The following HPGD variants were observed in gnomAD, a reference collection of about 807,000 sequenced individuals.
HPGD encodes 15-hydroxyprostaglandin dehydrogenase.
A neutral mutation model predicts 30.0 loss-of-function variants in HPGD; 29 were observed. The ratio of observed to expected loss-of-function variants is 0.97; its 90% CI spans 0.72 to 1.32. The LOEUF (loss-of-function observed/expected upper bound fraction) is 1.32, where lower values mean the gene tolerates loss of function less well. Ranked by LOEUF, HPGD falls within the 40% of genes most tolerant of loss-of-function variation. The pLI, the probability that HPGD is intolerant of heterozygous loss-of-function variation, is 0.00. For synonymous variants in HPGD, 99 were observed against 112.4 expected, an observed-to-expected ratio of 0.88 and a Z score of 0.75; for missense variants, 340 against 322.1, an observed-to-expected ratio of 1.06 and a Z score of -0.43.
intron 4 of HPGD, among the ~76,000 whole-genome samples, chr4:174,504,814 A>AAAAC (rs35636366): frequency 0.059 from 8,906 of 150,076 alleles, 294 homozygotes; most frequent in East Asian, 0.13. Flanking sequence ...ACTCTGTCTC[A>AAAAC]AAACAAACAA....
chr4:174,510,510 A>G (rs1735431948), intron 3 of HPGD, among the ~76,000 whole-genome samples: 1 of 152,238 alleles, frequency 6.6e-6, no homozygotes, highest in South Asian at 2.1e-4. Context: ...CTGACACCCC[A>G]CTGTTGTGTT....
chr4:174,506,983 T>C (rs1333151058), intron 4 of HPGD: 1 of 152,240 alleles, frequency 6.6e-6, no homozygotes, highest in Non-Finnish European at 1.5e-5. Flanking sequence ...TCAATCTTGA[T>C]CACAGCCCCA....
At chr4:174,516,498 G>A (rs1355990136) in intron 3 of HPGD, among the ~76,000 whole-genome samples, 4 of 152,118 alleles carry the variant, frequency 2.6e-5, no homozygotes, top group Admixed American at 2.0e-4. Context: ...ATGAAGGGTG[G>A]GAGAAGGGTG....
rs939422885 is a variant in HPGD, at chr4:174,490,963, T to C, written c.*993A>G. On this transcript the variant is annotated 3_prime_UTR_variant, in exon 7 of 7. Transcript: ENST00000296522. The surrounding 1 kb of genome is among the most constrained non-coding windows in gnomAD (Gnocchi z 4.4). ...AAGCAAAACCTCACAGCTATTTTTA[T>C]GTCTGTGTTGTTATGAGTTTCAGCA... is the stretch of plus-strand genomic sequence containing the variant. 3 of 152,338 alleles carry C rather than the reference T, an allele frequency of 2.0e-5. No individual in the cohort carries two copies. Among genetic ancestry groups the C allele is most frequent in the Admixed American group, 6.5e-5 (1 of 15,278 alleles). The allele number at this position is 152,338 out of a possible 1,614,324, so 9.4% of individuals were successfully genotyped here. A position where few individuals can be genotyped will look rare whatever the true frequency, so the allele number is the denominator to read the frequency against.
rs564769561 is a variant in HPGD at position 174,519,363 on chromosome 4, A to C, written c.218-1286T>G. Among the ~76,000 whole-genome samples, 75 of 151,916 alleles carry C rather than the reference A, an allele frequency of 4.9e-4. No homozygotes were observed. The South Asian group carries it at 0.015, about 31-fold the overall frequency. On this transcript the variant is annotated intron_variant, in intron 2 of 6. Coordinates refer to ENST00000296522, the MANE Select transcript of HPGD (RefSeq NM_000860.6). ...AGAGTAGCTGGGACTACAGGCGCCC[A>C]CCACCACGCCCGGCTAATTTTTTGT...
At position 174,493,215 on chromosome 4, in the gene HPGD, T is replaced by C. The variant is rs368571627; in HGVS notation, c.598A>G (p.Met200Val). 3.1e-6 allele frequency: 5 copies of C among 1,609,360 alleles called. No homozygotes were observed. Among genetic ancestry groups the C allele is most frequent in the African/African-American group, 2.7e-5 (2 of 74,818 alleles). Reference sequence around the variant, plus strand: ...TCCTTATATTCTATATATTGTCCCATGTTTTCTTCTTTTTCAATTGATTCA... The same window carrying C: ...TCCTTATATTCTATATATTGTCCCACGTTTTCTTCTTTTTCAATTGATTCA... ...ILESIEKEENMGQYIEYKDHI... is the reference protein window; with the variant it reads ...ILESIEKEENVGQYIEYKDHI... The change falls in exon 6 of 7, where the codon ATG becomes GTG. Residue 200 changes from methionine (M) to valine (V), a missense_variant. Coordinates refer to ENST00000296522, the MANE Select transcript of HPGD (RefSeq NM_000860.6).
Position 174,490,728 on chromosome 4 carries a change from C to G in HPGD, c.*1228G>C, listed in dbSNP as rs756163983. 2.0e-5 allele frequency: 3 copies of G among 152,274 alleles called. No individual in the cohort carries two copies. Among genetic ancestry groups the G allele is most frequent in the Non-Finnish European group, 4.4e-5 (3 of 68,006 alleles). 9.4% of individuals were successfully genotyped at this position (152,274 alleles called of 1,614,324 possible). On this transcript the variant is annotated 3_prime_UTR_variant, in exon 7 of 7. Transcript: ENST00000296522. The surrounding 1 kb of genome is among the most constrained non-coding windows in gnomAD (Gnocchi z 4.4). Reference sequence around the variant, plus strand: ...CAACATTCCAGTACTTCTAGGAAATCCATATCAATCTCACATGGAAAGATT... The same window carrying G: ...CAACATTCCAGTACTTCTAGGAAATGCATATCAATCTCACATGGAAAGATT...
chr4:174,499,172 G>A (rs753322922), intron 4 of HPGD, among the ~76,000 whole-genome samples: 3 of 152,118 alleles, frequency 2.0e-5, no homozygotes, highest in Admixed American at 1.3e-4. Context: ...AAGTGTGCAC[G>A]GTATGACTCT....
At chr4:174,514,793 G>T (rs1029858150) in intron 3 of HPGD, among the ~76,000 whole-genome samples, 2 of 151,992 alleles carry the variant, frequency 1.3e-5, no homozygotes, top group African/African-American at 4.8e-5. Context: ...AAGTTTCCTA[G>T]AACTGATAAA....
In HPGD at chr4:174,491,902, T is replaced by A. The variant is rs886059253; in HGVS notation, c.*54A>T. ...AAGCTATATTCAAATGAAGATAGGA[T>A]CTGAATATAAGCTATTTGTGCTTAT... On this transcript the variant is annotated 3_prime_UTR_variant, in exon 7 of 7. Coordinates refer to ENST00000296522, the MANE Select transcript of HPGD (RefSeq NM_000860.6). 9 of 1,472,006 alleles carry A rather than the reference T, an allele frequency of 6.1e-6. No individual in the cohort carries two copies. The highest frequency in any genetic ancestry group is 7.6e-6 in the Non-Finnish European group (8 of 1,052,482). 91.2% of individuals were successfully genotyped at this position (1,472,006 alleles called of 1,614,324 possible).
At chr4:174,499,508 A>G (rs187805800) in intron 4 of HPGD, among the ~76,000 whole-genome samples, 1 of 152,244 alleles carries the variant, frequency 6.6e-6, no homozygotes, top group East Asian at 1.9e-4. Context: ...TCTCTTTTCA[A>G]TGGAAAGTCC....
intron 6 of HPGD, 58 bp downstream of exon 6, chr4:174,493,092 CT>C: frequency 7.1e-7 from 1 of 1,409,762 alleles, no homozygotes; most frequent in Non-Finnish European, 9.7e-7. Flanking sequence ...CTTTTTATAG[CT>C]TATCTAAATA....
At chr4:174,497,564 C>CTTTTTTT (rs1560976871) in intron 4 of HPGD, among the ~76,000 whole-genome samples, 6 of 14,222 alleles carry the variant, frequency 4.2e-4, no homozygotes, top group African/African-American at 1.0e-3. Context: ...CTTTCTTTTT[C>CTTTTTTT]TTTCTTTTTT....
At chr4:174,495,398 G>A (rs1183670511) in intron 5 of HPGD, 150 bp downstream of exon 5, 2 of 673,764 alleles carry the variant, frequency 3.0e-6, no homozygotes, top group Non-Finnish European at 5.4e-6. Flanking sequence ...TTCTTTATGT[G>A]ATCTGATAAC....
intron 2 of HPGD, among the ~76,000 whole-genome samples, 199 bp downstream of exon 2, chr4:174,521,745 T>C (rs1363549380): frequency 6.6e-6 from 1 of 152,260 alleles, no homozygotes; most frequent in African/African-American, 2.4e-5. Context: ...TCTCCAGCAG[T>C]CTTGCCTTTC....
Position 174,495,581 on chromosome 4 carries a change from C to T in HPGD, c.465G>A (p.Lys155=), listed in dbSNP as rs761245000. ...VAQQPVYCAS[K]HGIVGFTRSA... Reference sequence around the variant, plus strand: ...AGCGTGTGAATCCAACTATGCCATGCTTTGAAGCACAATAAACCGGCTGCT... The same window carrying T: ...AGCGTGTGAATCCAACTATGCCATGTTTTGAAGCACAATAAACCGGCTGCT... The change falls in exon 5 of 7, where the codon AAG becomes AAA. Residue 155 remains lysine (K), a synonymous_variant. Coordinates refer to ENST00000296522, the MANE Select transcript of HPGD (RefSeq NM_000860.6). 1 of 1,613,864 alleles carries T rather than the reference C, an allele frequency of 6.2e-7. No homozygotes were observed.
intron 4 of HPGD, chr4:174,508,313 ACT>A (rs1233284419): frequency 1.1e-5 from 6 of 562,792 alleles, no homozygotes; most frequent in Non-Finnish European, 1.9e-5. Context: ...AAAATTACAC[ACT>A]GTTACTAAAA....
Position 174,521,969 on chromosome 4 carries a change from A to C in HPGD, c.192T>G (p.Asp64Glu). The C allele has an allele frequency of 6.2e-7, 1 of 1,614,214 alleles. No homozygotes were observed. The highest frequency in any genetic ancestry group is 8.5e-7 in the Non-Finnish European group (1 of 1,180,020). The change falls in exon 2 of 7, where the codon GAT (aspartate) becomes GAG (glutamate). Residue 64 changes from aspartate to glutamate, a missense_variant. Transcript: ENST00000296522. The part of the protein sequence containing the change: ...EPQKTLFIQC[D>E]VADQQQLRDT... ...CTCTCAGTTGTTGCTGGTCAGCCAC[A>C]TCGCACTGGATGAACAGAGTCTTCT...
chr4:174,497,568 CTT>C (rs778825547), intron 4 of HPGD, among the ~76,000 whole-genome samples: 65 of 51,100 alleles, frequency 1.3e-3, no homozygotes, highest in African/African-American at 1.9e-3. Context: ...CTTTTTCTTT[CTT>C]TTTTTTTTTT....
Sources: allele counts gnomAD v4.1 joint callset (sites outside exome capture counted in the v4.1 genomes callset), GRCh38; gene constraint gnomAD v4.1.1; non-coding constraint Gnocchi (gnomAD v3.1); transcripts MANE v1.5; gene names NCBI Gene and HGNC (gene_info 2026-07-23, HGNC 2026-07-21).